MYT1L: variants seen among roughly 807,000 people sequenced by gnomAD.
The protein encoded by MYT1L is myelin transcription factor 1-like protein.
MYT1L carries 12 observed loss-of-function variants against 126.7 expected under a neutral mutation model. The observed-to-expected ratio is 0.09, with a 90% confidence interval of 0.06 to 0.15. MYT1L has a LOEUF of 0.15. Among genes scored for constraint, MYT1L ranks in the 10% least tolerant of loss-of-function variants. The pLI is 1.00. For synonymous variants in MYT1L, 541 were observed against 604.2 expected, an observed-to-expected ratio of 0.90 and a Z score of 1.53; for missense variants, 979 against 1,585.2, an observed-to-expected ratio of 0.62 and a Z score of 6.49.
At chr2:2,246,312 T>C (rs966731027) in intron 2 of MYT1L, among the ~76,000 whole-genome samples, 2 of 152,204 alleles carry the variant, frequency 1.3e-5, no homozygotes, top group African/African-American at 2.4e-5. Flanking sequence ...TCAATGCTTT[T>C]CACCTGAAGA....
At chr2:2,240,399 A>T (rs573539222) in intron 2 of MYT1L, among the ~76,000 whole-genome samples, 15 of 152,184 alleles carry the variant, frequency 9.9e-5, no homozygotes, top group East Asian at 7.7e-4. Context: ...CTCATTTTTA[A>T]AAAAAAAGAA....
At chr2:1,938,660 A>G (rs1405499283) in intron 9 of MYT1L, among the ~76,000 whole-genome samples, 1 of 152,214 alleles carries the variant, frequency 6.6e-6, no homozygotes, top group Non-Finnish European at 1.5e-5. Flanking sequence ...CCCCACCTAC[A>G]GAAAATAATA....
intron 18 of MYT1L, among the ~76,000 whole-genome samples, chr2:1,862,421 G>A (rs13426184): frequency 5.3e-5 from 8 of 152,054 alleles, no homozygotes; most frequent in African/African-American, 1.7e-4. Context: ...TCTTCTTGCC[G>A]GTTCCCTTGT....
At position 1,903,081 on chromosome 2, in the gene MYT1L, A is replaced by T; in HGVS notation, c.2031T>A (p.Asp677Glu). The T allele has an allele frequency of 6.2e-7, 1 of 1,612,884 alleles. No individual in the cohort carries two copies. Among genetic ancestry groups the T allele is most frequent in the Non-Finnish European group, 8.5e-7 (1 of 1,178,858 alleles). ...TRDISPKGYD[D>E]AKRYCKDPSP... is the part of the protein sequence containing the mutation. ...TGTATAAGAGTGTGCACCTCCTACC[A>T]TCATCATATCCTTTGGGGGATATAT... The change falls in exon 14 of 25, where the codon GAT becomes GAA. Residue 677 changes from aspartate (D) to glutamate (E), a missense_variant and splice_region_variant. By Grantham distance (45) the Asp-to-Glu change is conservative. Transcript: ENST00000647738.
chr2:1,861,914 G>A (rs375149407), intron 18 of MYT1L, among the ~76,000 whole-genome samples: 431 of 27,390 alleles, frequency 0.016, no homozygotes, highest in South Asian at 0.026. Context: ...GTGTAATCCT[G>A]GATCCTCCTG....
intron 19 of MYT1L, among the ~76,000 whole-genome samples, chr2:1,845,662 T>C (rs114089120): frequency 0.013 from 1,998 of 152,318 alleles, 36 homozygotes; most frequent in African/African-American, 0.045. Context: ...ACCTGCCGTC[T>C]CTCAGCAGCC....
chr2:2,275,213 TGTGTG>T (rs1465834990), intron 2 of MYT1L, among the ~76,000 whole-genome samples: 2 of 147,326 alleles, frequency 1.4e-5, no homozygotes, highest in African/African-American at 5.0e-5. Flanking sequence ...TGTGTGTGTG[TGTGTG>T]TGTGTGTGTG....
chr2:2,087,607 A>G (rs2076485257), intron 3 of MYT1L, among the ~76,000 whole-genome samples: 1 of 152,222 alleles, frequency 6.6e-6, no homozygotes, highest in Admixed American at 6.5e-5. Flanking sequence ...AATCTGTTAA[A>G]TAAGAGCTTG....
chr2:2,327,091 A>G (rs1158234357), intron 1 of MYT1L: 3 of 152,326 alleles, frequency 2.0e-5, no homozygotes, highest in Non-Finnish European at 4.4e-5. Context: ...AAATCATGCA[A>G]TAAAATACTA....
chr2:1,811,489 G>A lies in MYT1L; in HGVS notation c.3081-2322C>T, dbSNP rs2036648470. 2 of 152,110 alleles carry A rather than the reference G, an allele frequency of 1.3e-5. No individual in the cohort carries two copies. The highest frequency in any genetic ancestry group is 6.6e-5 in the Admixed American group (1 of 15,262). 9.4% of individuals were successfully genotyped at this position (152,110 alleles called of 1,614,324 possible). ...GCCCCAGGAGCAGAGAGGCCTCTGG[G>A]AACTGGGTGGCCTGACAGGGTGGGC... is the stretch of plus-strand genomic sequence containing the variant. On this transcript the variant is annotated intron_variant, in intron 21 of 24. Coordinates refer to ENST00000647738, the MANE Select transcript of MYT1L (RefSeq NM_001303052.2). The surrounding 1 kb of genome is among the most constrained non-coding windows in gnomAD (Gnocchi z 4.4).
chr2:1,943,471 G>T lies in MYT1L; in HGVS notation c.153-137C>A. 1.9e-6 allele frequency: 2 copies of T among 1,033,612 alleles called. No individual in the cohort carries two copies. Among genetic ancestry groups the T allele is most frequent in the Non-Finnish European group, 1.4e-6 (1 of 739,584 alleles). The allele number at this position is 1,033,612 out of a possible 1,614,324, so 64.0% of individuals were successfully genotyped here. On this transcript the variant is annotated intron_variant, in intron 8 of 24. Transcript: ENST00000647738. This position sits in a 1 kb window ranked among gnomAD's most constrained non-coding sequence, Gnocchi z 4.4. ...ATGAATGTCATCAGCACAAACACCA[G>T]AGAGACATAACATACATGTTCCCCG...
chr2:2,263,516 T>C (rs1031773252), intron 2 of MYT1L, among the ~76,000 whole-genome samples: 2 of 152,162 alleles, frequency 1.3e-5, no homozygotes, highest in African/African-American at 4.8e-5. Flanking sequence ...TGCACACAGA[T>C]ACCAAGCAAG....
At chr2:2,327,188 A>G (rs2096253907) in intron 1 of MYT1L, 1 of 152,342 alleles carries the variant, frequency 6.6e-6, no homozygotes, top group Non-Finnish European at 1.5e-5. Context: ...TCAATTTAAA[A>G]TATCTTTTTC....
rs1371687573 is a variant in MYT1L at position 1,929,313 on chromosome 2, G to A, written c.506-6050C>T. Among the ~76,000 whole-genome samples, 3 of 151,998 alleles carry A rather than the reference G, an allele frequency of 2.0e-5. No individual in the cohort carries two copies. The highest frequency in any genetic ancestry group is 4.8e-5 in the African/African-American group (2 of 41,390). ...TTCTCACTTCCAGCACGAGATCCCC[G>A]CACCCCTCCTCTGCCTCCCTCATCC... On this transcript the variant is annotated intron_variant, in intron 9 of 24. Coordinates refer to ENST00000647738, the MANE Select transcript of MYT1L (RefSeq NM_001303052.2). This position sits in a 1 kb window ranked among gnomAD's most constrained non-coding sequence, Gnocchi z 4.7.
rs33917296 is a variant in MYT1L at position 1,812,875 on chromosome 2, C to CAAAA, written c.3081-3712_3081-3709dup. ...TGGGTGACAGAGCAGGACTCCGTCTCAAAAAAAAAAAAAAAAAAAAAGACT... is the reference window on the plus strand; with the variant it reads ...TGGGTGACAGAGCAGGACTCCGTCTCAAAAAAAAAAAAAAAAAAAAAAAAAGACT... On this transcript the variant is annotated intron_variant, in intron 21 of 24. Transcript: ENST00000647738. Among the ~76,000 whole-genome samples, 75 of 59,718 alleles carry CAAAA rather than the reference C, an allele frequency of 1.3e-3. 1 individual carries two copies. The highest frequency in any genetic ancestry group is 9.0e-3 in the East Asian group (20 of 2,212). 39.2% of individuals were successfully genotyped at this position (59,718 alleles called of 152,430 possible).
chr2:1,792,202 A>T (rs1268311061), intron 24 of MYT1L, 119 bp downstream of exon 24: 1 of 1,367,126 alleles, frequency 7.3e-7, no homozygotes, highest in African/African-American at 1.5e-5. Context: ...TCGGGGTGGT[A>T]ACCACAAACA....
chr2:1,889,304 C>A lies in MYT1L; in HGVS notation c.2457G>T (p.Leu819Phe), dbSNP rs745797322. ...GTTTCATTTTGGTGTAGTCTACGGGCAAGTCCCAGCAGTCGCCCTCGCCCA... is the reference window on the plus strand; with the variant it reads ...GTTTCATTTTGGTGTAGTCTACGGGAAAGTCCCAGCAGTCGCCCTCGCCCA... The part of the protein sequence containing the change: ...FQLGEGDCWD[L>F]PVDYTKMKPR... Residue 819 changes from leucine (L) to phenylalanine (F), a missense_variant, in exon 16 of 25, where the codon TTG becomes TTT. Physicochemically the swap from Leu to Phe is conservative, Grantham distance 22. Coordinates refer to ENST00000647738, the MANE Select transcript of MYT1L (RefSeq NM_001303052.2). The surrounding 1 kb of genome is among the most constrained non-coding windows in gnomAD (Gnocchi z 4.1). The A allele has an allele frequency of 6.2e-7, 1 of 1,613,818 alleles. No homozygotes were observed. The highest frequency in any genetic ancestry group is 1.7e-5 in the Admixed American group (1 of 60,010).
intron 2 of MYT1L, among the ~76,000 whole-genome samples, chr2:2,209,064 C>T (rs528977320): frequency 6.6e-6 from 1 of 152,032 alleles, no homozygotes; most frequent in African/African-American, 2.4e-5. Context: ...ACTCATTCTG[C>T]CAGTTTTTAA....
At chr2:1,955,555 G>C (rs2058271123) in intron 8 of MYT1L, among the ~76,000 whole-genome samples, 1 of 152,144 alleles carries the variant, frequency 6.6e-6, no homozygotes, top group Admixed American at 6.5e-5. Flanking sequence ...CAAAATACAA[G>C]CTGTTGCTCC....
Sources: gnomAD v4.1 joint callset for allele counts (sites outside exome capture counted in the v4.1 genomes callset) on GRCh38, gnomAD v4.1.1 for gene constraint, Gnocchi (gnomAD v3.1) non-coding constraint, MANE v1.5 for transcripts, NCBI Gene and HGNC (gene_info 2026-07-23, HGNC 2026-07-21) for gene names.